The following CPSF4L variants were observed in gnomAD, a reference collection of about 807,000 sequenced individuals.
CPSF4L encodes the protein putative cleavage and polyadenylation specificity factor subunit 4-like protein.
A neutral mutation model predicts 24.0 loss-of-function variants in CPSF4L; 18 were observed. The ratio of observed to expected loss-of-function variants is 0.75; its 90% CI spans 0.52 to 1.11. CPSF4L has a LOEUF of 1.11. Ranked by LOEUF, CPSF4L falls within the 50% of genes least tolerant of loss-of-function variation. The probability of loss-of-function intolerance (pLI) is 0.00; values close to 1 mark genes in which losing one functional copy is unlikely to be tolerated. For missense variants in CPSF4L, 211 were observed against 221.8 expected (o/e 0.95, Z 0.31); for synonymous variants, 72 against 77.2 (o/e 0.93, Z 0.35).
intron 3 of CPSF4L, 100 bp from the exon 4 acceptor site, chr17:73,254,126 C>G (rs755699974): frequency 2.5e-4 from 217 of 854,158 alleles, no homozygotes; most frequent in Admixed American, 4.1e-4. Flanking sequence ...ACAGAAGACA[C>G]TGGCCTTTAT....
chr17:73,262,144 CG>C (rs11289685), upstream of CPSF4L: 61,988 of 286,068 alleles, frequency 0.22, 8,049 homozygotes, highest in African/African-American at 0.39. Flanking sequence ...ACAAACGTGG[CG>C]TGCACACAGA....
At chr17:73,263,599 T>G (rs2062054799), upstream of CPSF4L, among the ~76,000 whole-genome samples, 1 of 144,966 alleles carries the variant, frequency 6.9e-6, no homozygotes, top group African/African-American at 2.6e-5. Context: ...GAAGCGGGGG[T>G]AAAGAGGTGG....
At chr17:73,245,598 G>A (rs2061939392), downstream of CPSF4L, 3 of 985,260 alleles carry the variant, frequency 3.0e-6, no homozygotes, top group Non-Finnish European at 3.6e-6. Flanking sequence ...TGTTGATACA[G>A]GAAAGTATCT....
At chr17:73,262,061 T>C, upstream of CPSF4L, 1 of 537,570 alleles carries the variant, frequency 1.9e-6, no homozygotes, top group Non-Finnish European at 3.3e-6. Context: ...CCACACTGTG[T>C]ACACAAGGCT....
chr17:73,243,097 T>TTTG, the CPSF4L span: 1 of 978,134 alleles, frequency 1.0e-6, no homozygotes, highest in Non-Finnish European at 1.5e-6. Flanking sequence ...TTTTTTTTTT[T>TTTG]TTTTACAGCT....
intron 4 of CPSF4L, among the ~76,000 whole-genome samples, chr17:73,253,006 A>G (rs1395066563): frequency 3.3e-5 from 5 of 151,052 alleles, no homozygotes; most frequent in East Asian, 1.9e-4. Context: ...GGAGGACTGC[A>G]TGGATATGAA....
chr17:73,261,067 C>T (rs1437331315), intron 1 of CPSF4L, 84 bp from the exon 2 acceptor site: 5 of 1,090,496 alleles, frequency 4.6e-6, no homozygotes, highest in Non-Finnish European at 6.8e-6. Flanking sequence ...TCGGCATGTC[C>T]CACCTAGACC....
chr17:73,243,118 TG>T, the CPSF4L span: 2 of 769,632 alleles, frequency 2.6e-6, no homozygotes, highest in Non-Finnish European at 4.3e-6. Flanking sequence ...TTACAGTATC[TG>T]GCATGCCCTG....
At chr17:73,247,968 A>G (rs1017175182), downstream of CPSF4L, 1 of 154,070 alleles carries the variant, frequency 6.5e-6, no homozygotes, top group Non-Finnish European at 1.4e-5. Context: ...TGTTTTCTCA[A>G]GTCCTTCAAG....
chr17:73,255,975 A>G (rs955323612), intron 3 of CPSF4L, among the ~76,000 whole-genome samples: 2 of 152,106 alleles, frequency 1.3e-5, no homozygotes, highest in Non-Finnish European at 2.9e-5. Flanking sequence ...CACCTCCCCA[A>G]CAACACTCTG....
At chr17:73,251,140 A>C in intron 5 of CPSF4L, 1 of 1,508,144 alleles carries the variant, frequency 6.6e-7, no homozygotes. Flanking sequence ...CACCTACTGC[A>C]GATAGTCCCT....
downstream of CPSF4L, chr17:73,248,305 G>A: frequency 1.7e-6 from 1 of 598,800 alleles, no homozygotes; most frequent in Non-Finnish European, 3.0e-6. Flanking sequence ...CGCTTCAGGT[G>A]TGAGGCGGGG....
chr17:73,250,552 C>A (rs1342188927), intron 5 of CPSF4L, among the ~76,000 whole-genome samples: 1 of 152,140 alleles, frequency 6.6e-6, no homozygotes, highest in East Asian at 1.9e-4. Flanking sequence ...TAAAACTATT[C>A]TCTTGCAGAA....
chr17:73,257,910 C>G lies in CPSF4L; in HGVS notation c.155-77G>C, dbSNP rs570913025. On this transcript the variant is annotated intron_variant, in intron 2 of 5. Coordinates refer to ENST00000344935, the MANE Select transcript of CPSF4L (RefSeq NM_001129885.1). ...CCAGCTCAGCCCTCCAGGGGATTCC[C>G]CAGGAGGGTACCTGACTCAGTCCCC... 2.7e-6 allele frequency: 4 copies of G among 1,475,546 alleles called. No homozygotes were observed. The South Asian group carries it at 5.1e-5, about 19-fold the overall frequency. 91.4% of individuals were successfully genotyped at this position (1,475,546 alleles called of 1,614,324 possible).
chr17:73,256,478 A>T (rs1409714435), intron 3 of CPSF4L, among the ~76,000 whole-genome samples: 1 of 152,190 alleles, frequency 6.6e-6, no homozygotes, highest in East Asian at 1.9e-4. Flanking sequence ...GGCTGCAGCC[A>T]CATTTGGAAG....
downstream of CPSF4L, chr17:73,245,164 A>G (rs978587846): frequency 1.9e-6 from 3 of 1,613,582 alleles, no homozygotes; most frequent in African/African-American, 1.3e-5. Context: ...CTGTTTATCC[A>G]AAGAGCTGCA....
downstream of CPSF4L, chr17:73,245,261 C>T (rs2061933471): frequency 6.4e-7 from 1 of 1,569,844 alleles, no homozygotes; most frequent in Non-Finnish European, 8.6e-7. Flanking sequence ...GCAATACATA[C>T]TTAACAGTTT....
the CPSF4L span, chr17:73,242,947 C>T: frequency 2.0e-5 from 33 of 1,613,882 alleles, no homozygotes; most frequent in South Asian, 2.2e-5. Context: ...GGTGGCATCA[C>T]GATGCTCTTC....
At chr17:73,244,676 C>G (rs919959817), downstream of CPSF4L, 1 of 151,466 alleles carries the variant, frequency 6.6e-6, no homozygotes, top group Non-Finnish European at 1.5e-5. Flanking sequence ...ATTCTGAAGG[C>G]CAGCATAATT....
Sources: allele counts gnomAD v4.1 joint callset (sites outside exome capture counted in the v4.1 genomes callset), GRCh38; gene constraint gnomAD v4.1.1; transcripts MANE v1.5; gene names NCBI Gene and HGNC (gene_info 2026-07-23, HGNC 2026-07-21).